Variants in TMEM135 observed in about 807,000 individuals in gnomAD.
TMEM135 encodes peroxisomal membrane protein 52.
A neutral mutation model predicts 60.3 loss-of-function variants in TMEM135; 30 were observed. The ratio of observed to expected loss-of-function variants is 0.50; its 90% CI spans 0.37 to 0.68. TMEM135 has a LOEUF of 0.68. Among genes scored for constraint, TMEM135 ranks in the 30% least tolerant of loss-of-function variants. The pLI, the probability that TMEM135 is intolerant of heterozygous loss-of-function variation, is 0.00. For synonymous variants in TMEM135, 190 were observed against 186.7 expected (o/e 1.02, Z -0.14); for missense variants, 468 against 548.8 (o/e 0.85, Z 1.47).
At position 87,272,604 on chromosome 11, in the gene TMEM135, G is replaced by A. The variant is rs764031151; in HGVS notation, c.510-23178G>A. ...GTCTCCTGAGTAGCTGGGACTATAG[G>A]TGTGTGCCACCATGCCTGGCTAACT... On this transcript the variant is annotated intron_variant, in intron 6 of 14. Coordinates refer to ENST00000305494, the MANE Select transcript of TMEM135 (RefSeq NM_022918.4). Among the ~76,000 whole-genome samples the A allele has an allele frequency of 2.6e-5, 4 of 151,612 alleles. No homozygotes were observed. In the East Asian group the frequency reaches 7.8e-4, roughly 29 times the overall value.
chr11:87,137,421 C>T (rs1301007544), intron 4 of TMEM135, among the ~76,000 whole-genome samples: 1 of 152,096 alleles, frequency 6.6e-6, no homozygotes, highest in African/African-American at 2.4e-5. Context: ...ATGTTGTATA[C>T]TCATCCAACA....
intron 5 of TMEM135, among the ~76,000 whole-genome samples, chr11:87,162,074 C>G (rs1938895181): frequency 1.3e-5 from 2 of 151,936 alleles, no homozygotes; most frequent in East Asian, 3.9e-4. Flanking sequence ...AGTTACTAAA[C>G]TTCAAAAGAA....
intron 5 of TMEM135, among the ~76,000 whole-genome samples, chr11:87,234,565 A>G (rs962574913): frequency 2.0e-5 from 3 of 152,028 alleles, no homozygotes; most frequent in Non-Finnish European, 2.9e-5. Context: ...TAGATCACTT[A>G]TGTCAGTTAC....
rs1205230465 is a variant in TMEM135, at chr11:87,324,488, C to G, written c.*3155C>G. Reference sequence around the variant, plus strand: ...CCGGGTTGGAGTACAGTGGTGCAATCATAGCTCATTGAAACCTCAAATTCC... The same window carrying G: ...CCGGGTTGGAGTACAGTGGTGCAATGATAGCTCATTGAAACCTCAAATTCC... On this transcript the variant is annotated 3_prime_UTR_variant, in exon 15 of 15. Transcript: ENST00000305494. 2.2e-6 allele frequency: 1 copy of G among 453,748 alleles called. No individual in the cohort carries two copies. Among genetic ancestry groups the G allele is most frequent in the Non-Finnish European group, 4.4e-6 (1 of 226,720 alleles). 28.1% of individuals were successfully genotyped at this position (453,748 alleles called of 1,614,324 possible).
chr11:87,066,876 G>T (rs1856673655), intron 1 of TMEM135, among the ~76,000 whole-genome samples: 2 of 150,378 alleles, frequency 1.3e-5, no homozygotes, highest in Non-Finnish European at 1.5e-5. Flanking sequence ...CGCCTCCCGG[G>T]TTCAAGCAAT....
At chr11:87,303,664 G>A (rs1161666413) in intron 8 of TMEM135, among the ~76,000 whole-genome samples, 1 of 152,144 alleles carries the variant, frequency 6.6e-6, no homozygotes, top group Non-Finnish European at 1.5e-5. Flanking sequence ...AATTTTTATT[G>A]AATTTAAAGA....
intron 6 of TMEM135, chr11:87,258,762 A>C: frequency 3.0e-6 from 1 of 328,928 alleles, no homozygotes; most frequent in Non-Finnish European, 5.7e-6. Flanking sequence ...TGCCAAAGTT[A>C]AAAAAAAATC....
chr11:87,135,921 G>A (rs562620098), intron 4 of TMEM135, among the ~76,000 whole-genome samples: 1 of 151,966 alleles, frequency 6.6e-6, no homozygotes, highest in Non-Finnish European at 1.5e-5. Flanking sequence ...TCTCAGCAGT[G>A]TTTTTACTTT....
intron 5 of TMEM135, among the ~76,000 whole-genome samples, chr11:87,195,314 TTTCCTTCCTTCCTTCCTTCCTTCCTTCC>T (rs58025103): frequency 0.011 from 740 of 65,722 alleles, 16 homozygotes; most frequent in Non-Finnish European, 0.015. Flanking sequence ...TTTCTTTCTC[TTTCCTTCCTTCCTTCCTTCCTTCCTTCC>T]TTCCTTCCTT....
At chr11:87,159,617 A>ACCCC (rs1555112002) in intron 5 of TMEM135, among the ~76,000 whole-genome samples, 30 of 149,392 alleles carry the variant, frequency 2.0e-4, no homozygotes, top group South Asian at 6.4e-4. Flanking sequence ...ACACACACAC[A>ACCCC]CCATAGATTT....
chr11:87,168,611 G>T (rs61905573), intron 5 of TMEM135, among the ~76,000 whole-genome samples: 43 of 152,112 alleles, frequency 2.8e-4, no homozygotes, highest in Non-Finnish European at 4.9e-4. Flanking sequence ...TTAGTTGTGC[G>T]GTTTTAAGGG....
At chr11:87,154,605 G>A (rs540257520) in intron 4 of TMEM135, among the ~76,000 whole-genome samples, 26 of 152,212 alleles carry the variant, frequency 1.7e-4, no homozygotes, top group African/African-American at 6.3e-4. Flanking sequence ...AGTGTACAAG[G>A]GTTCCAATTT....
intron 3 of TMEM135, among the ~76,000 whole-genome samples, chr11:87,078,306 G>C (rs917289833): frequency 1.3e-5 from 2 of 152,100 alleles, no homozygotes; most frequent in African/African-American, 4.8e-5. Context: ...TTATGGCTTT[G>C]ATTTTTCTCA....
chr11:87,154,200 T>C (rs1475788098), intron 4 of TMEM135, among the ~76,000 whole-genome samples: 1 of 152,206 alleles, frequency 6.6e-6, no homozygotes, highest in Non-Finnish European at 1.5e-5. Flanking sequence ...TTCACTACTC[T>C]AGATACTTCA....
At chr11:87,176,497 A>G (rs767787506) in intron 5 of TMEM135, among the ~76,000 whole-genome samples, 7 of 152,200 alleles carry the variant, frequency 4.6e-5, no homozygotes, top group African/African-American at 1.7e-4. Context: ...TGAGTTTGCT[A>G]TATAATGGCA....
intron 4 of TMEM135, among the ~76,000 whole-genome samples, chr11:87,152,281 A>G (rs1591059295): frequency 1.3e-5 from 2 of 151,462 alleles, no homozygotes; most frequent in South Asian, 4.2e-4. Flanking sequence ...ATACTCTTTT[A>G]TTTCCTTCTG....
chr11:87,149,086 CAG>C (rs1938486773), intron 4 of TMEM135, among the ~76,000 whole-genome samples: 2 of 150,710 alleles, frequency 1.3e-5, no homozygotes, highest in African/African-American at 4.9e-5. Flanking sequence ...AGAAAAGTTC[CAG>C]AGATTCTTAT....
intron 6 of TMEM135, among the ~76,000 whole-genome samples, chr11:87,241,915 T>A (rs964117232): frequency 9.9e-5 from 15 of 152,068 alleles, no homozygotes; most frequent in Non-Finnish European, 2.9e-5. Flanking sequence ...GCAGGTTAGT[T>A]ACATATGTAT....
chr11:87,222,727 C>T (rs1377206603), intron 5 of TMEM135, among the ~76,000 whole-genome samples: 3 of 152,034 alleles, frequency 2.0e-5, no homozygotes, highest in Admixed American at 1.3e-4. Flanking sequence ...TGGCGTGAAC[C>T]CAGGAGGTGG....
Sources: gnomAD v4.1 joint callset for allele counts (sites outside exome capture counted in the v4.1 genomes callset) on GRCh38, gnomAD v4.1.1 for gene constraint, MANE v1.5 for transcripts, NCBI Gene and HGNC (gene_info 2026-07-23, HGNC 2026-07-21) for gene names.